The following VPS54 variants were observed in gnomAD, a reference collection of about 807,000 sequenced individuals.
VPS54 encodes VPS54 subunit of GARP complex.
A neutral mutation model predicts 121.5 loss-of-function variants in VPS54; 45 were observed. That is an observed-to-expected ratio of 0.37 (90% CI 0.29 to 0.47). The LOEUF is 0.47. Ranked by LOEUF, VPS54 falls within the 20% of genes least tolerant of loss-of-function variation. The probability of loss-of-function intolerance (pLI) is 0.99; values close to 1 mark genes in which losing one functional copy is unlikely to be tolerated. For missense variants in VPS54, 1,090 were observed against 1,131.4 expected (o/e 0.96, Z 0.52); for synonymous variants, 371 against 385.8 (o/e 0.96, Z 0.45).
chr2:63,997,874 A>T (rs1384188821), intron 1 of VPS54, among the ~76,000 whole-genome samples: 1 of 151,870 alleles, frequency 6.6e-6, no homozygotes, highest in African/African-American at 2.4e-5. Context: ...CTGTATCCTC[A>T]TAGATTTTGG....
chr2:64,018,850 C>T (rs1678839284), intron 1 of VPS54, 88 bp downstream of exon 1: 1 of 113,938 alleles, frequency 8.8e-6, no homozygotes, highest in Admixed American at 1.0e-4. Context: ...GGAGGAGAGC[C>T]GAGGGGGTGG....
At chr2:64,000,803 T>G (rs1016954751) in intron 1 of VPS54, among the ~76,000 whole-genome samples, 2 of 152,230 alleles carry the variant, frequency 1.3e-5, no homozygotes, top group Non-Finnish European at 2.9e-5. Context: ...TGGTCAACAC[T>G]GGCACTGCAC....
At position 63,914,195 on chromosome 2, in the gene VPS54, G is replaced by A; in HGVS notation, c.2321C>T (p.Ser774Leu). Residue 774 changes from serine (S) to leucine (L), a missense_variant, in exon 17 of 23, where the codon TCA (serine) becomes TTA (leucine). Physicochemically the swap from Ser to Leu is moderately radical, Grantham distance 145. Transcript: ENST00000272322. ...SVTTDMLTRL[S>L]DLLKYFNSRS... ...AGTCATACATACCTTCAATAAATCT[G>A]ACAGACGAGTAAGCATGTCAGTAGT... The A allele has an allele frequency of 2.5e-6, 4 of 1,612,538 alleles. No individual in the cohort carries two copies. The highest frequency in any genetic ancestry group is 3.4e-6 in the Non-Finnish European group (4 of 1,179,150).
chr2:63,903,005 CAACAT>C (rs1242537012), intron 20 of VPS54, among the ~76,000 whole-genome samples: 6 of 92,568 alleles, frequency 6.5e-5, no homozygotes, highest in Non-Finnish European at 1.6e-4. Context: ...TAACATAACA[CAACAT>C]AACATAACAA....
intron 1 of VPS54, among the ~76,000 whole-genome samples, 171 bp downstream of exon 1, chr2:64,018,767 G>A (rs765289844): frequency 6.6e-4 from 96 of 145,220 alleles, no homozygotes; most frequent in Admixed American, 1.2e-3. Context: ...AAAAAAAAAG[G>A]AAGTGGCGGA....
At chr2:63,984,047 A>T in intron 1 of VPS54, 28 bp from the exon 2 acceptor site, 1 of 1,525,518 alleles carries the variant, frequency 6.6e-7, no homozygotes, top group Non-Finnish European at 8.9e-7. Flanking sequence ...ATACTAATTA[A>T]GACACCGCAA....
At chr2:63,925,046 A>T (rs1673833303) in intron 12 of VPS54, among the ~76,000 whole-genome samples, 1 of 152,248 alleles carries the variant, frequency 6.6e-6, no homozygotes, top group African/African-American at 2.4e-5. Context: ...ATCATAAAGG[A>T]AAGTAATGAA....
intron 12 of VPS54, among the ~76,000 whole-genome samples, chr2:63,921,659 C>T (rs1044539451): frequency 6.6e-6 from 1 of 152,102 alleles, no homozygotes; most frequent in African/African-American, 2.4e-5. Context: ...TCCCAAGTAG[C>T]TGGGACTACA....
chr2:63,990,017 G>A (rs1057386774), intron 1 of VPS54, among the ~76,000 whole-genome samples: 56 of 152,298 alleles, frequency 3.7e-4, no homozygotes, highest in African/African-American at 1.2e-3. Flanking sequence ...AGCTGTTCCC[G>A]GCAGGGAAAT....
intron 20 of VPS54, among the ~76,000 whole-genome samples, chr2:63,904,545 A>G (rs1251064751): frequency 2.6e-5 from 4 of 152,052 alleles, no homozygotes; most frequent in African/African-American, 7.3e-5. Flanking sequence ...CAAGATACAT[A>G]TAACAAAAAC....
chr2:63,920,062 A>C, intron 14 of VPS54, 67 bp from the exon 15 acceptor site: 1 of 1,348,666 alleles, frequency 7.4e-7, no homozygotes, highest in South Asian at 1.4e-5. Context: ...TTGGTTTAAA[A>C]GAAAAGGAAG....
chr2:63,919,342 A>C (rs986283098), intron 15 of VPS54, among the ~76,000 whole-genome samples: 3 of 151,818 alleles, frequency 2.0e-5, no homozygotes, highest in African/African-American at 7.3e-5. Flanking sequence ...GTGATTGCTT[A>C]TGTATTTTTT....
intron 1 of VPS54, among the ~76,000 whole-genome samples, chr2:64,015,028 A>C (rs1337753677): frequency 2.0e-5 from 3 of 152,042 alleles, no homozygotes; most frequent in African/African-American, 4.8e-5. Context: ...TACATACATA[A>C]CATAAGTGTT....
intron 2 of VPS54, among the ~76,000 whole-genome samples, chr2:63,982,472 G>A (rs543224001): frequency 6.6e-6 from 1 of 152,202 alleles, no homozygotes; most frequent in East Asian, 1.9e-4. Flanking sequence ...ACTGCTTGTA[G>A]GGAAACTAAA....
rs1425983510 is a variant in VPS54, at chr2:63,919,914, C to T, written c.2133G>A (p.Gly711=). Residue 711 remains glycine, a synonymous_variant, in exon 15 of 23, where the codon GGG becomes GGA. Coordinates refer to ENST00000272322, the MANE Select transcript of VPS54 (RefSeq NM_016516.3). ...ATTTTTTTTCAGGTAAAGCAATCTT[C>T]CCATCTGACAGAGAATCAACAAGAT... is the stretch of plus-strand genomic sequence containing the variant. The part of the protein sequence containing the change: ...FQDLVDSLSD[G]KIALPEKKSG... The T allele has an allele frequency of 6.2e-7, 1 of 1,611,334 alleles. No homozygotes were observed. The highest frequency in any genetic ancestry group is 2.2e-5 in the East Asian group (1 of 44,696).
At chr2:63,914,567 C>T (rs1673294535) in intron 16 of VPS54, among the ~76,000 whole-genome samples, 1 of 152,100 alleles carries the variant, frequency 6.6e-6, no homozygotes, top group Non-Finnish European at 1.5e-5. Flanking sequence ...TCCTTAAATT[C>T]TGTACAACAG....
At chr2:63,981,004 A>C (rs139637701) in intron 3 of VPS54, among the ~76,000 whole-genome samples, 290 of 152,244 alleles carry the variant, frequency 1.9e-3, no homozygotes, top group South Asian at 4.1e-3. Flanking sequence ...AGTGCAAAGT[A>C]AGTAAAATAA....
chr2:63,952,985 T>C (rs568531528), intron 7 of VPS54, among the ~76,000 whole-genome samples: 4 of 152,152 alleles, frequency 2.6e-5, no homozygotes, highest in South Asian at 2.1e-4. Flanking sequence ...TCACAATGCA[T>C]TTATTTTAAA....
chr2:63,997,884 G>A (rs1677678079), intron 1 of VPS54, among the ~76,000 whole-genome samples: 1 of 151,628 alleles, frequency 6.6e-6, no homozygotes, highest in Admixed American at 6.6e-5. Context: ...ATAGATTTTG[G>A]TATGTCATGT....
Sources: gnomAD v4.1 joint callset for allele counts (sites outside exome capture counted in the v4.1 genomes callset) on GRCh38, gnomAD v4.1.1 for gene constraint, MANE v1.5 for transcripts, NCBI Gene and HGNC (gene_info 2026-07-23, HGNC 2026-07-21) for gene names.